The following PGR variants were observed in gnomAD, a reference collection of about 807,000 sequenced individuals.
PGR encodes progesterone receptor, also known as nuclear receptor subfamily 3 group C member 3.
Under a neutral mutation model 76.1 loss-of-function variants are expected in PGR, and 25 were observed. The ratio of observed to expected loss-of-function variants is 0.33; its 90% confidence interval spans 0.24 to 0.46. The LOEUF is 0.46. Ranked by LOEUF, PGR falls within the 20% of genes least tolerant of loss-of-function variation. The pLI is 1.00. For missense variants in PGR, 1,172 were observed against 1,225.3 expected, an observed-to-expected ratio of 0.96 and a Z score of 0.65; for synonymous variants, 579 against 535.0, an observed-to-expected ratio of 1.08 and a Z score of -1.14.
At chr11:101,066,046 C>G (rs1231786061) in intron 3 of PGR, among the ~76,000 whole-genome samples, 5 of 152,194 alleles carry the variant, frequency 3.3e-5, no homozygotes, top group Admixed American at 3.3e-4. Context: ...CTCACCCACT[C>G]AGGGACTTTT....
In PGR at chr11:101,036,646, T is replaced by C. The variant is rs373390064; in HGVS notation, c.*2470A>G. The C allele has an allele frequency of 1.1e-4, 22 of 199,516 alleles. No homozygotes were observed. The highest frequency in any genetic ancestry group is 4.6e-4 in the African/African-American group (20 of 43,584). The allele number at this position is 199,516 out of a possible 1,614,324, so 12.4% of individuals were successfully genotyped here. A position where few individuals can be genotyped will look rare whatever the true frequency, so the allele number is the denominator to read the frequency against. On this transcript the variant is annotated 3_prime_UTR_variant, in exon 8 of 8. Transcript: ENST00000325455. ...GCCATATTCTTTTTAAAAAGGTACT[T>C]TATTTTTAAAGCTTAGCCTTAAATA...
chr11:101,089,626 G>T (rs879489845), intron 3 of PGR, among the ~76,000 whole-genome samples: 7 of 151,762 alleles, frequency 4.6e-5, no homozygotes, highest in Non-Finnish European at 8.8e-5. Flanking sequence ...AACTAGAAAG[G>T]GCTCGATATA....
Position 101,128,057 on chromosome 11 carries a change from G to T in PGR, c.1014C>A (p.Ala338=). 6.2e-7 allele frequency: 1 copy of T among 1,602,978 alleles called. No homozygotes were observed. The highest frequency in any genetic ancestry group is 1.1e-5 in the South Asian group (1 of 91,066). ...AGGGTGAACTCCGCGGCGGGGCAAA[G>T]GCGCTGGCAGCCCCGGCCCCGCCGT... The part of the protein sequence containing the change: ...SYDGGAGAAS[A]FAPPRSSPCA... The change falls in exon 1 of 8, where the codon GCC becomes GCA. Residue 338 remains alanine (A), a synonymous_variant. Transcript: ENST00000325455.
chr11:101,086,448 A>G (rs778192653), intron 3 of PGR, among the ~76,000 whole-genome samples: 3 of 152,154 alleles, frequency 2.0e-5, no homozygotes, highest in Non-Finnish European at 4.4e-5. Flanking sequence ...CCTAAAAACA[A>G]TAAGAGACCA....
chr11:101,046,645 A>T (rs1859898102), intron 6 of PGR, among the ~76,000 whole-genome samples: 1 of 151,826 alleles, frequency 6.6e-6, no homozygotes, highest in South Asian at 2.1e-4. Context: ...GATTATTTCT[A>T]TTTCTTCTAG....
intron 4 of PGR, among the ~76,000 whole-genome samples, chr11:101,061,479 G>A (rs1477343309): frequency 6.6e-6 from 1 of 152,062 alleles, no homozygotes; most frequent in African/African-American, 2.4e-5. Context: ...CTTTTAGGTA[G>A]AATAATAACT....
In PGR at chr11:101,126,067, A is replaced by G. The variant is rs1195392507; in HGVS notation, c.1729T>C (p.Cys577Arg). ...CLICGDEASG[C>R]HYGVLTCGSC... is the part of the protein sequence containing the mutation. ...CCACAGGTAAGGACACCATAATGAC[A>G]GCCTGATGCTTCATCCCCACAGATT... Residue 577 changes from cysteine (C) to arginine (R), a missense_variant, in exon 2 of 8, where the codon TGT (cysteine) becomes CGT (arginine). Around this residue, in one of 4 missense-constraint regions of PGR, gnomAD observed 40 missense variants for 82.7 expected, o/e 0.48. Coordinates refer to ENST00000325455, the MANE Select transcript of PGR (RefSeq NM_000926.4). The G allele has an allele frequency of 6.2e-7, 1 of 1,613,962 alleles. No individual in the cohort carries two copies. The highest frequency in any genetic ancestry group is 2.2e-5 in the East Asian group (1 of 44,886).
intron 3 of PGR, among the ~76,000 whole-genome samples, chr11:101,073,164 A>G (rs778838330): frequency 1.6e-4 from 24 of 152,256 alleles, no homozygotes; most frequent in Non-Finnish European, 2.9e-4. Context: ...CTCAGGATTA[A>G]GAAACTCACT....
chr11:101,093,697 G>A (rs1458150799), intron 2 of PGR, among the ~76,000 whole-genome samples: 1 of 152,166 alleles, frequency 6.6e-6, no homozygotes. Flanking sequence ...AACCTCAGGT[G>A]ATCTGCCCGC....
At chr11:101,057,831 AGAAG>A (rs1280949441) in intron 4 of PGR, among the ~76,000 whole-genome samples, 1 of 152,216 alleles carries the variant, frequency 6.6e-6, no homozygotes, top group African/African-American at 2.4e-5. Context: ...ATGCTGACTT[AGAAG>A]TCATCTGGGT....
At position 101,128,306 on chromosome 11, in the gene PGR, A is replaced by T. The variant is rs768717215; in HGVS notation, c.765T>A (p.Ala255=). 1 of 1,593,662 alleles carries T rather than the reference A, an allele frequency of 6.3e-7. No individual in the cohort carries two copies. The highest frequency in any genetic ancestry group is 1.3e-5 in the African/African-American group (1 of 74,750). ...GGAAAGGGAA[A]VPPGAAAGGV... ...CTCCTGCTGCCGCCCCCGGCGGGAC[A>T]GCCGCGGCTCCTCCTCCAGCCGCCG... The change falls in exon 1 of 8, where the codon GCT becomes GCA. Residue 255 remains alanine, a synonymous_variant. Coordinates refer to ENST00000325455, the MANE Select transcript of PGR (RefSeq NM_000926.4).
chr11:101,061,707 G>T (rs1445997348), intron 4 of PGR, among the ~76,000 whole-genome samples: 1 of 152,110 alleles, frequency 6.6e-6, no homozygotes, highest in African/African-American at 2.4e-5. Flanking sequence ...ACAAACAATT[G>T]CTATACATGT....
At position 101,030,266 on chromosome 11, in the gene PGR, G is replaced by T; in HGVS notation, c.*8850C>A. On this transcript the variant is annotated 3_prime_UTR_variant, in exon 8 of 8. Coordinates refer to ENST00000325455, the MANE Select transcript of PGR (RefSeq NM_000926.4). ...AAGCAACGGGGTAGATAACTTTGAA[G>T]ATTGCATCAACTTCAACACAAAAAA... The T allele has an allele frequency of 4.5e-6, 1 of 223,938 alleles. No homozygotes were observed. The highest frequency in any genetic ancestry group is 8.9e-6 in the Non-Finnish European group (1 of 112,344). 13.9% of individuals were successfully genotyped at this position (223,938 alleles called of 1,614,324 possible). A position where few individuals can be genotyped will look rare whatever the true frequency, so the allele number is the denominator to read the frequency against.
rs1859435794 is a variant in PGR at position 101,034,144 on chromosome 11, A to G, written c.*4972T>C. On this transcript the variant is annotated 3_prime_UTR_variant, in exon 8 of 8. Transcript: ENST00000325455. ...ATCGGTTAAAGCTTTCAACCAGCTT[A>G]AAAATAATGCCTCTCCCATGTCTCC... The G allele has an allele frequency of 4.4e-6, 1 of 228,790 alleles. No homozygotes were observed. Among genetic ancestry groups the G allele is most frequent in the South Asian group, 1.8e-4 (1 of 5,504 alleles). The allele number at this position is 228,790 out of a possible 1,614,324, so 14.2% of individuals were successfully genotyped here. A position where few individuals can be genotyped will look rare whatever the true frequency, so the allele number is the denominator to read the frequency against.
rs1859311767 is a variant in PGR at position 101,030,382 on chromosome 11, A to G, written c.*8734T>C. 4.4e-6 allele frequency: 1 copy of G among 228,624 alleles called. No individual in the cohort carries two copies. Among genetic ancestry groups the G allele is most frequent in the Non-Finnish European group, 8.7e-6 (1 of 115,304 alleles). 14.2% of individuals were successfully genotyped at this position (228,624 alleles called of 1,614,324 possible). A position where few individuals can be genotyped will look rare whatever the true frequency, so the allele number is the denominator to read the frequency against. ...AAAATAAGTATGTGATGATATCGTT[A>G]AAATACATGATCACTTAATTTTTAC... is the stretch of plus-strand genomic sequence containing the variant. On this transcript the variant is annotated 3_prime_UTR_variant, in exon 8 of 8. Coordinates refer to ENST00000325455, the MANE Select transcript of PGR (RefSeq NM_000926.4).
chr11:101,129,402 G>C lies in PGR; in HGVS notation c.-332C>G. On this transcript the variant is annotated 5_prime_UTR_variant, in exon 1 of 8. Coordinates refer to ENST00000325455, the MANE Select transcript of PGR (RefSeq NM_000926.4). ...CAAGAGAGTTCTCCAACTTCTGTCC[G>C]AGGACTGGAGACGCAGAGTACTCAC... 3.2e-6 allele frequency: 1 copy of C among 315,280 alleles called. No homozygotes were observed. The highest frequency in any genetic ancestry group is 5.8e-6 in the Non-Finnish European group (1 of 170,998). 19.5% of individuals were successfully genotyped at this position (315,280 alleles called of 1,614,324 possible). A position where few individuals can be genotyped will look rare whatever the true frequency, so the allele number is the denominator to read the frequency against.
At chr11:101,099,013 G>C (rs1211957579) in intron 2 of PGR, among the ~76,000 whole-genome samples, 1 of 152,174 alleles carries the variant, frequency 6.6e-6, no homozygotes, top group Non-Finnish European at 1.5e-5. Flanking sequence ...AACAAAGACT[G>C]GTACAGGACC....
intron 2 of PGR, among the ~76,000 whole-genome samples, chr11:101,102,391 T>C (rs1379997281): frequency 6.6e-6 from 1 of 152,200 alleles, no homozygotes; most frequent in Non-Finnish European, 1.5e-5. Context: ...TACCTTCAAA[T>C]TGTTGATTAC....
At chr11:101,086,254 G>A (rs1037993682) in intron 3 of PGR, among the ~76,000 whole-genome samples, 2 of 152,064 alleles carry the variant, frequency 1.3e-5, no homozygotes, top group African/African-American at 4.8e-5. Context: ...CGATCAAGTT[G>A]GCTTCACTCC....
Sources: allele counts gnomAD v4.1 joint callset (sites outside exome capture counted in the v4.1 genomes callset), GRCh38; gene constraint gnomAD v4.1.1; regional missense constraint gnomAD v4.1.1; transcripts MANE v1.5; gene names NCBI Gene and HGNC (gene_info 2026-07-23, HGNC 2026-07-21).